The following PTPRD variants were observed in gnomAD, a reference collection of about 807,000 sequenced individuals.
PTPRD encodes the protein receptor-type tyrosine-protein phosphatase delta.
A neutral mutation model predicts 214.5 loss-of-function variants in PTPRD; 34 were observed. The observed-to-expected ratio is 0.16, with a 90% CI of 0.12 to 0.21. The LOEUF (loss-of-function observed/expected upper bound fraction) is 0.21. Among genes scored for constraint, PTPRD ranks in the 10% least tolerant of loss-of-function variants. PTPRD has a pLI of 1.00. For synonymous variants in PTPRD, 1,128 were observed against 845.7 expected (o/e 1.33, Z -5.79); for missense variants, 2,545 against 2,398.7 (o/e 1.06, Z -1.27).
At chr9:10,609,461 C>T (rs900288479) in intron 2 of PTPRD, among the ~76,000 whole-genome samples, 1 of 152,070 alleles carries the variant, frequency 6.6e-6, no homozygotes, top group African/African-American at 2.4e-5. Flanking sequence ...GAACAGTTTA[C>T]ACCAGTGGTA....
intron 11 of PTPRD, among the ~76,000 whole-genome samples, chr9:8,788,046 G>A (rs1010130033): frequency 6.6e-6 from 1 of 152,040 alleles, no homozygotes; most frequent in African/African-American, 2.4e-5. Flanking sequence ...ACTTACTTTT[G>A]TGAAAATGTT....
At chr9:8,416,061 A>C (rs1296266360) in intron 35 of PTPRD, among the ~76,000 whole-genome samples, 1 of 124,658 alleles carries the variant, frequency 8.0e-6, no homozygotes, top group Non-Finnish European at 1.7e-5. Context: ...CTCTGTCAGA[A>C]AGCCTTAAAA....
intron 3 of PTPRD, among the ~76,000 whole-genome samples, chr9:10,299,907 A>C (rs185690636): frequency 6.6e-6 from 1 of 152,306 alleles, no homozygotes; most frequent in East Asian, 1.9e-4. Context: ...AAATATTGCC[A>C]GCCCAGTGTC....
intron 8 of PTPRD, among the ~76,000 whole-genome samples, chr9:9,458,052 G>T (rs911125192): frequency 3.9e-5 from 6 of 152,018 alleles, no homozygotes; most frequent in Non-Finnish European, 8.8e-5. Context: ...AGACAATTAT[G>T]CTTTGAAAGC....
intron 35 of PTPRD, among the ~76,000 whole-genome samples, chr9:8,416,196 T>C (rs10511494): frequency 0.18 from 26,637 of 152,136 alleles, 2,703 homozygotes; most frequent in Non-Finnish European, 0.23. Flanking sequence ...AAAATTGTTA[T>C]GCATCTAGTG....
At chr9:10,010,382 T>C (rs1295154720) in intron 4 of PTPRD, among the ~76,000 whole-genome samples, 1 of 151,800 alleles carries the variant, frequency 6.6e-6, no homozygotes, top group Non-Finnish European at 1.5e-5. Context: ...TCTCAGATTT[T>C]CAGTAATGTC....
chr9:8,581,698 G>C (rs1025271447), intron 14 of PTPRD, among the ~76,000 whole-genome samples: 1 of 151,460 alleles, frequency 6.6e-6, no homozygotes, highest in Non-Finnish European at 1.5e-5. Context: ...AGTGAGCCGA[G>C]ATCCCGCTAC....
intron 11 of PTPRD, among the ~76,000 whole-genome samples, chr9:8,964,955 C>T (rs1024705110): frequency 2.6e-5 from 4 of 151,986 alleles, no homozygotes; most frequent in East Asian, 1.9e-4. Context: ...TTGAGACTTG[C>T]TTTATGACCA....
At chr9:10,521,829 C>A (rs2052399525) in intron 2 of PTPRD, among the ~76,000 whole-genome samples, 2 of 152,206 alleles carry the variant, frequency 1.3e-5, no homozygotes, top group South Asian at 4.1e-4. Flanking sequence ...AAACATAATG[C>A]TATTGCACAA....
chr9:9,511,173 T>C (rs2096698086), intron 8 of PTPRD, among the ~76,000 whole-genome samples: 1 of 151,818 alleles, frequency 6.6e-6, no homozygotes, highest in Non-Finnish European at 1.5e-5. Context: ...ATTAAAAATA[T>C]CACACTGTAT....
At chr9:8,419,922 A>C (rs1431290489) in intron 35 of PTPRD, among the ~76,000 whole-genome samples, 1 of 152,136 alleles carries the variant, frequency 6.6e-6, no homozygotes, top group African/African-American at 2.4e-5. Context: ...AAAAATTAGG[A>C]AATACTTTGA....
chr9:9,196,289 G>C (rs1450271409), intron 9 of PTPRD, among the ~76,000 whole-genome samples: 2 of 152,168 alleles, frequency 1.3e-5, no homozygotes, highest in Non-Finnish European at 2.9e-5. Flanking sequence ...GTCTGATCAA[G>C]CATGCATATT....
intron 11 of PTPRD, among the ~76,000 whole-genome samples, chr9:8,840,269 C>G (rs1189934901): frequency 6.6e-6 from 1 of 152,114 alleles, no homozygotes; most frequent in Admixed American, 6.5e-5. Flanking sequence ...GTAATCGAAT[C>G]ATGAGGGCAG....
At chr9:8,320,654 TA>T (rs572227642) in intron 44 of PTPRD, among the ~76,000 whole-genome samples, 24 of 127,200 alleles carry the variant, frequency 1.9e-4, no homozygotes, top group African/African-American at 5.3e-4. Flanking sequence ...TCTCTAATCT[TA>T]AAAAAAAATG....
chr9:10,030,970 C>T (rs1006152181), intron 4 of PTPRD, among the ~76,000 whole-genome samples: 5 of 152,074 alleles, frequency 3.3e-5, no homozygotes, highest in Non-Finnish European at 7.4e-5. Flanking sequence ...AACACAGATA[C>T]CTTTGTGAAG....
rs2094518214 is a variant in PTPRD, at chr9:9,964,004, T to G, written c.-471-25394A>C. On this transcript the variant is annotated intron_variant, in intron 4 of 45. Transcript: ENST00000381196. Reference sequence around the variant, plus strand: ...TATATATGAATGGCACATCAGAGATTTAAAATGTGTATGAGTCAGAGAGAC... The same window carrying G: ...TATATATGAATGGCACATCAGAGATGTAAAATGTGTATGAGTCAGAGAGAC... 2.4e-5 allele frequency among the ~76,000 whole-genome samples: 3 copies of G among 123,336 alleles called. No homozygotes were observed. In the Admixed American group the frequency reaches 2.6e-4, roughly 11 times the overall value. The allele number at this position is 123,336 out of a possible 152,430, so 80.9% of individuals were successfully genotyped here. A position where few individuals can be genotyped will look rare whatever the true frequency, so the allele number is the denominator to read the frequency against.
At chr9:8,818,068 C>T (rs2096958945) in intron 11 of PTPRD, among the ~76,000 whole-genome samples, 1 of 152,124 alleles carries the variant, frequency 6.6e-6, no homozygotes, top group Non-Finnish European at 1.5e-5. Context: ...TAAATTGTAA[C>T]TCTTGAATTT....
At chr9:9,058,442 G>GTTGTTTTTTTTTT (rs2099700380) in intron 10 of PTPRD, among the ~76,000 whole-genome samples, 1 of 69,900 alleles carries the variant, frequency 1.4e-5, no homozygotes, top group South Asian at 8.3e-4. Flanking sequence ...TATTATGAGG[G>GTTGTTTTTTTTTT]TTTTTTTTTT....
intron 11 of PTPRD, among the ~76,000 whole-genome samples, chr9:8,923,674 T>C (rs1414435562): frequency 1.3e-5 from 2 of 152,242 alleles, no homozygotes; most frequent in African/African-American, 4.8e-5. Flanking sequence ...ATCTTAAATC[T>C]CTTTAAAAAA....
Sources: allele counts gnomAD v4.1 joint callset (sites outside exome capture counted in the v4.1 genomes callset), GRCh38; gene constraint gnomAD v4.1.1; transcripts MANE v1.5; gene names NCBI Gene and HGNC (gene_info 2026-07-23, HGNC 2026-07-21).